The following NTRK3 variants were observed in gnomAD, a reference collection of about 807,000 sequenced individuals.
NTRK3 encodes the protein NT-3 growth factor receptor.
A neutral mutation model predicts 91.7 loss-of-function variants in NTRK3; 24 were observed. The observed-to-expected ratio is 0.26, with a 90% CI of 0.19 to 0.37. The LOEUF is 0.37. Among genes scored for constraint, NTRK3 ranks in the 10% least tolerant of loss-of-function variants. The pLI is 1.00. For missense variants in NTRK3, 880 were observed against 1,068.9 expected, an observed-to-expected ratio of 0.82 and a Z score of 2.46; for synonymous variants, 483 against 404.0, an observed-to-expected ratio of 1.20 and a Z score of -2.34.
intron 13 of NTRK3, among the ~76,000 whole-genome samples, chr15:88,066,446 A>C (rs552904194): frequency 6.6e-6 from 1 of 152,352 alleles, no homozygotes; most frequent in African/African-American, 2.4e-5. Flanking sequence ...ATGGACACAC[A>C]GCCCTGCCTT....
At chr15:88,177,633 T>G (rs917820566) in intron 5 of NTRK3, among the ~76,000 whole-genome samples, 1 of 152,102 alleles carries the variant, frequency 6.6e-6, no homozygotes, top group Non-Finnish European at 1.5e-5. Flanking sequence ...TGGTATGAAA[T>G]CAAGAATCCT....
rs75364277 is a variant in NTRK3 at position 88,185,364 on chromosome 15, A to G, written c.249-1065T>C. On this transcript the variant is annotated intron_variant, in intron 3 of 18. Transcript: ENST00000394480. ...CAGCATGAGAAGGCTTGTCATGGGT[A>G]TGGATCTGATTTCTGGGTTTATTGT... 2.8e-3 allele frequency among the ~76,000 whole-genome samples: 420 copies of G among 152,330 alleles called. 7 individuals are homozygous for G. The East Asian group carries it at 0.035, about 13-fold the overall frequency.
chr15:88,202,828 G>A (rs1477600814), intron 3 of NTRK3, among the ~76,000 whole-genome samples: 3 of 152,206 alleles, frequency 2.0e-5, no homozygotes, highest in African/African-American at 7.2e-5. Context: ...CAAGACCAAA[G>A]ACCAGAAGAT....
chr15:88,046,119 T>A (rs1013169332), intron 13 of NTRK3, among the ~76,000 whole-genome samples: 24 of 152,162 alleles, frequency 1.6e-4, no homozygotes, highest in Non-Finnish European at 1.9e-4. Context: ...ACCAGCATTA[T>A]AAGGATGGTG....
chr15:88,023,678 G>C (rs2141913477), intron 14 of NTRK3, among the ~76,000 whole-genome samples: 1 of 152,234 alleles, frequency 6.6e-6, no homozygotes, highest in South Asian at 2.1e-4. Flanking sequence ...AGCAGAGCCT[G>C]CCTCCTAAAA....
At chr15:88,223,232 C>A (rs2050389806) in intron 3 of NTRK3, among the ~76,000 whole-genome samples, 1 of 152,240 alleles carries the variant, frequency 6.6e-6, no homozygotes, top group African/African-American at 2.4e-5. Context: ...ATGTCCTTGA[C>A]CAGCCGGCCA....
exon 8 of NTRK3, chr15:88,136,572 G>C (rs767789126): frequency 6.2e-7 from 1 of 1,613,602 alleles, no homozygotes; most frequent in Non-Finnish European, 8.5e-7. Context: ...CCTCTCGTAC[G>C]GTCAGGTTGA....
chr15:88,248,407 C>T (rs150003461), intron 3 of NTRK3, among the ~76,000 whole-genome samples: 44 of 152,308 alleles, frequency 2.9e-4, no homozygotes, highest in African/African-American at 1.0e-3. Context: ...CCCCTTATAT[C>T]CCAGCCAGGG....
chr15:88,101,708 T>C (rs2050193276), intron 13 of NTRK3, among the ~76,000 whole-genome samples: 1 of 152,162 alleles, frequency 6.6e-6, no homozygotes, highest in Admixed American at 6.5e-5. Context: ...TGAGTTCGTG[T>C]CCTTTGTAGG....
chr15:88,009,921 C>T (rs937869985), intron 14 of NTRK3, among the ~76,000 whole-genome samples: 1 of 152,172 alleles, frequency 6.6e-6, no homozygotes, highest in Non-Finnish European at 1.5e-5. Context: ...ATAGTGGATT[C>T]CTTTGTCCTC....
chr15:88,211,284 T>TTATTTCAC (rs1437694884), intron 3 of NTRK3, among the ~76,000 whole-genome samples: 1 of 152,252 alleles, frequency 6.6e-6, no homozygotes, highest in East Asian at 1.9e-4. Context: ...TGTATCTGGC[T>TTATTTCAC]TATTTCACTT....
intron 14 of NTRK3, among the ~76,000 whole-genome samples, chr15:87,958,838 C>T (rs1165374507): frequency 6.6e-6 from 1 of 152,034 alleles, no homozygotes; most frequent in Non-Finnish European, 1.5e-5. Context: ...TCGGCTAACC[C>T]AAGTCATCTT....
At chr15:88,064,053 G>C (rs1427805116) in intron 13 of NTRK3, among the ~76,000 whole-genome samples, 1 of 152,156 alleles carries the variant, frequency 6.6e-6, no homozygotes, top group Non-Finnish European at 1.5e-5. Context: ...GCCAACAACA[G>C]ATGTCCTTAT....
chr15:88,047,729 G>A (rs774571640), intron 13 of NTRK3, among the ~76,000 whole-genome samples: 9 of 152,164 alleles, frequency 5.9e-5, no homozygotes, highest in South Asian at 2.1e-4. Context: ...AAAGGAGGGC[G>A]ACCACACATC....
intron 16 of NTRK3, among the ~76,000 whole-genome samples, chr15:87,932,627 C>T (rs1462901857): frequency 1.3e-5 from 2 of 152,100 alleles, no homozygotes; most frequent in Non-Finnish European, 2.9e-5. Flanking sequence ...CCTCACTTTG[C>T]AAGTGAGAAA....
intron 17 of NTRK3, 47 bp downstream of exon 18, chr15:87,885,647 T>C (rs201107983): frequency 3.1e-4 from 316 of 1,010,286 alleles, no homozygotes; most frequent in Non-Finnish European, 4.3e-4. Context: ...AATTAAAGTG[T>C]TGGGACAATG....
At position 88,088,444 on chromosome 15, in the gene NTRK3, A is replaced by G. The variant is rs140814229; in HGVS notation, c.1396+37827T>C. Among the ~76,000 whole-genome samples, 929 of 152,316 alleles carry G rather than the reference A, an allele frequency of 6.1e-3. 8 individuals carry two copies. The highest frequency in any genetic ancestry group is 7.5e-3 in the South Asian group (36 of 4,830). On this transcript the variant is annotated intron_variant, in intron 13 of 18. Coordinates refer to ENST00000394480, the Ensembl canonical transcript of NTRK3. ...TTGTCCCTTCCACCTGGACACCAGA[A>G]TGAGCAACAAGGAGCATGGGAATGG...
At chr15:88,207,079 G>A (rs546512081) in intron 3 of NTRK3, among the ~76,000 whole-genome samples, 2 of 152,296 alleles carry the variant, frequency 1.3e-5, no homozygotes, top group Non-Finnish European at 2.9e-5. Flanking sequence ...GCTCCGCCCC[G>A]ACATTGTGGG....
At chr15:88,044,196 G>A (rs1215133289) in intron 13 of NTRK3, among the ~76,000 whole-genome samples, 1 of 151,216 alleles carries the variant, frequency 6.6e-6, no homozygotes, top group Non-Finnish European at 1.5e-5. Context: ...GTCTGCCTAA[G>A]GTCACACAGC....
Sources: allele counts gnomAD v4.1 joint callset (sites outside exome capture counted in the v4.1 genomes callset), GRCh38; gene constraint gnomAD v4.1.1; transcripts MANE v1.5; gene names NCBI Gene and HGNC (gene_info 2026-07-23, HGNC 2026-07-21).